XRCC4: variants seen among roughly 807,000 people sequenced by gnomAD.
XRCC4 encodes the protein DNA repair protein XRCC4.
XRCC4 carries 28 observed loss-of-function variants against 39.1 expected under a neutral mutation model. The observed-to-expected ratio is 0.72, with a 90% CI of 0.53 to 0.98. XRCC4 has a LOEUF of 0.98. XRCC4 is among the 50% of genes least tolerant of loss of function. XRCC4 has a pLI of 0.00. For synonymous variants in XRCC4, 123 were observed against 126.4 expected (o/e 0.97, Z 0.18); for missense variants, 350 against 376.4 (o/e 0.93, Z 0.58).
rs774946967 is a variant in XRCC4 at position 83,199,767 on chromosome 5, T to A, written c.483-3785T>A. ...GTATTTTTTTATCCTTTTAATTTTT[T>A]AAAAAAAATTACTATTTTTTTGTCC... is the stretch of plus-strand genomic sequence containing the variant. On this transcript the variant is annotated intron_variant, in intron 4 of 7. Coordinates refer to ENST00000396027, the MANE Select transcript of XRCC4 (RefSeq NM_003401.5). 3.1e-4 allele frequency among the ~76,000 whole-genome samples: 42 copies of A among 137,640 alleles called. 1 individual carries two copies. Among genetic ancestry groups the A allele is most frequent in the East Asian group, 1.2e-3 (6 of 5,170 alleles). 90.3% of individuals were successfully genotyped at this position (137,640 alleles called of 152,430 possible). A position where few individuals can be genotyped will look rare whatever the true frequency, so the allele number is the denominator to read the frequency against.
intron 7 of XRCC4, among the ~76,000 whole-genome samples, chr5:83,307,670 T>A (rs1482003016): frequency 6.6e-6 from 1 of 152,094 alleles, no homozygotes; most frequent in East Asian, 1.9e-4. Flanking sequence ...AATGACAAAT[T>A]CAGAAGCACA....
chr5:83,180,777 G>T (rs1339189285), intron 3 of XRCC4, among the ~76,000 whole-genome samples: 3 of 152,082 alleles, frequency 2.0e-5, no homozygotes, highest in Non-Finnish European at 4.4e-5. Context: ...GTATTGATGA[G>T]CTATGTTACC....
chr5:83,188,895 C>CT (rs1750572584), intron 3 of XRCC4, among the ~76,000 whole-genome samples: 1 of 152,132 alleles, frequency 6.6e-6, no homozygotes, highest in Admixed American at 6.5e-5. Flanking sequence ...AAAGATATGC[C>CT]TAGAGACCTG....
At chr5:83,282,428 A>G (rs1369073696) in intron 7 of XRCC4, among the ~76,000 whole-genome samples, 2 of 152,206 alleles carry the variant, frequency 1.3e-5, no homozygotes, top group Non-Finnish European at 2.9e-5. Context: ...GTTGATAACC[A>G]TGTCAGAAAA....
chr5:83,153,194 G>GT (rs1371328176), intron 3 of XRCC4, among the ~76,000 whole-genome samples: 13 of 149,976 alleles, frequency 8.7e-5, no homozygotes, highest in Non-Finnish European at 1.8e-4. Context: ...GCTGTTTCAT[G>GT]TAACAATAGT....
intron 7 of XRCC4, among the ~76,000 whole-genome samples, chr5:83,301,063 T>A (rs1481587828): frequency 6.6e-6 from 1 of 152,178 alleles, no homozygotes; most frequent in African/African-American, 2.4e-5. Flanking sequence ...GTCTTTATAG[T>A]GGAATGATTT....
intron 6 of XRCC4, among the ~76,000 whole-genome samples, chr5:83,211,046 C>T (rs1399359779): frequency 6.6e-6 from 1 of 152,142 alleles, no homozygotes; most frequent in Non-Finnish European, 1.5e-5. Context: ...ACAGGCAAAT[C>T]CTTTACCCCC....
At chr5:83,131,094 C>G (rs1747552200) in intron 3 of XRCC4, among the ~76,000 whole-genome samples, 1 of 152,112 alleles carries the variant, frequency 6.6e-6, no homozygotes, top group Non-Finnish European at 1.5e-5. Flanking sequence ...CTTGCTTTCT[C>G]TTGTGGACAT....
At chr5:83,267,834 A>C (rs966252120) in intron 7 of XRCC4, among the ~76,000 whole-genome samples, 1 of 152,188 alleles carries the variant, frequency 6.6e-6, no homozygotes, top group African/African-American at 2.4e-5. Flanking sequence ...AGATTGTATA[A>C]AACAAACGCA....
chr5:83,309,123 C>CA (rs1278227257), intron 7 of XRCC4, among the ~76,000 whole-genome samples: 1 of 150,192 alleles, frequency 6.7e-6, no homozygotes, highest in Non-Finnish European at 1.5e-5. Flanking sequence ...ACTAAAAATA[C>CA]AAAAAATTAG....
At chr5:83,258,796 T>C (rs905535045) in intron 7 of XRCC4, 119 bp downstream of exon 7, 6 of 1,179,192 alleles carry the variant, frequency 5.1e-6, no homozygotes, top group Non-Finnish European at 1.2e-6. Flanking sequence ...GAAAATGTCA[T>C]TTTGGAATTG....
chr5:83,214,501 C>T (rs1451208098), intron 6 of XRCC4, among the ~76,000 whole-genome samples: 1 of 152,028 alleles, frequency 6.6e-6, no homozygotes, highest in Admixed American at 6.6e-5. Flanking sequence ...GAGTTTGAGG[C>T]CAGCCTGGGC....
chr5:83,280,290 A>G, intron 7 of XRCC4: 1 of 395,226 alleles, frequency 2.5e-6, no homozygotes, highest in Non-Finnish European at 4.8e-6. Flanking sequence ...TTGATACTAC[A>G]TTTGATGTTT....
rs538678996 is a variant in XRCC4, at chr5:83,301,612, C to G, written c.893+42935C>G. Among the ~76,000 whole-genome samples, 162 of 152,252 alleles carry G rather than the reference C, an allele frequency of 1.1e-3. 4 individuals carry two copies. In the South Asian group the frequency reaches 0.032, roughly 30 times the overall value. ...CATTTGTAAATTTTGGCTTTTGTTG[C>G]AATTGCTTTTGGTGTTTTAGTCATG... On this transcript the variant is annotated intron_variant, in intron 7 of 7. Coordinates refer to ENST00000396027, the MANE Select transcript of XRCC4 (RefSeq NM_003401.5).
intron 3 of XRCC4, among the ~76,000 whole-genome samples, chr5:83,134,625 G>C (rs1161901339): frequency 6.6e-6 from 1 of 152,200 alleles, no homozygotes; most frequent in Admixed American, 6.5e-5. Context: ...CAATCAGCAG[G>C]ATCAGGGTGG....
chr5:83,105,855 T>C lies in XRCC4; in HGVS notation c.139+797T>C, dbSNP rs138070050. Among the ~76,000 whole-genome samples, 732 of 152,280 alleles carry C rather than the reference T, an allele frequency of 4.8e-3. 8 individuals carry two copies. The highest frequency in any genetic ancestry group is 0.016 in the African/African-American group (686 of 41,592). On this transcript the variant is annotated intron_variant, in intron 2 of 7. Transcript: ENST00000396027. Reference sequence around the variant, plus strand: ...CATACTATTTATATCTTCTATTAACTTTAGAAATATTTCTCTAGAATTTGT... The same window carrying C: ...CATACTATTTATATCTTCTATTAACCTTAGAAATATTTCTCTAGAATTTGT...
At chr5:83,230,642 A>T (rs1752462227) in intron 6 of XRCC4, among the ~76,000 whole-genome samples, 2 of 152,028 alleles carry the variant, frequency 1.3e-5, no homozygotes, top group African/African-American at 4.8e-5. Flanking sequence ...AAGCATTTAT[A>T]TTCAAAAACA....
rs74794804 is a variant in XRCC4 at position 83,171,647 on chromosome 5, G to A, written c.316-24123G>A. ...ATTCCATCAACTTGACTCATTTGCC[G>A]TACCTACCTGTCCTCTGAAGATACT... On this transcript the variant is annotated intron_variant, in intron 3 of 7. Coordinates refer to ENST00000396027, the MANE Select transcript of XRCC4 (RefSeq NM_003401.5). 3.0e-3 allele frequency among the ~76,000 whole-genome samples: 450 copies of A among 152,174 alleles called. 12 individuals are homozygous for A. The East Asian group carries it at 0.073, about 25-fold the overall frequency.
At chr5:83,302,979 G>C (rs1755343436) in intron 7 of XRCC4, among the ~76,000 whole-genome samples, 1 of 152,188 alleles carries the variant, frequency 6.6e-6, no homozygotes, top group Non-Finnish European at 1.5e-5. Flanking sequence ...TTGGGAAGCT[G>C]AGGCGGGTGG....
Sources: gnomAD v4.1 joint callset for allele counts (sites outside exome capture counted in the v4.1 genomes callset) on GRCh38, gnomAD v4.1.1 for gene constraint, MANE v1.5 for transcripts, NCBI Gene and HGNC (gene_info 2026-07-23, HGNC 2026-07-21) for gene names.